ITGA2: variants seen among roughly 807,000 people sequenced by gnomAD.
The protein encoded by ITGA2 is integrin alpha-2.
Under a neutral mutation model 146.3 loss-of-function variants are expected in ITGA2, and 101 were observed. That is an observed-to-expected ratio of 0.69 (90% confidence interval 0.59 to 0.81). ITGA2 has a LOEUF of 0.81. ITGA2 is among the 40% of genes least tolerant of loss of function. The pLI is 0.00. For synonymous variants in ITGA2, 477 were observed against 487.1 expected, an observed-to-expected ratio of 0.98 and a Z score of 0.27; for missense variants, 1,281 against 1,402.7, an observed-to-expected ratio of 0.91 and a Z score of 1.39.
At chr5:53,073,364 C>A in intron 20 of ITGA2, 105 bp downstream of exon 20, 1 of 1,203,722 alleles carries the variant, frequency 8.3e-7, no homozygotes. Flanking sequence ...TAACCCTCAA[C>A]ATGATCAATC....
intron 1 of ITGA2, among the ~76,000 whole-genome samples, chr5:52,996,094 T>C (rs1034942130): frequency 2.0e-5 from 3 of 151,610 alleles, no homozygotes; most frequent in Non-Finnish European, 4.4e-5. Flanking sequence ...GATGAGGAAA[T>C]GTAGAGAGTG....
chr5:53,082,715 T>C (rs1745983132), intron 26 of ITGA2, among the ~76,000 whole-genome samples: 2 of 152,328 alleles, frequency 1.3e-5, no homozygotes, highest in South Asian at 2.1e-4. Flanking sequence ...GGGTTCACTC[T>C]TGGTGTTGTT....
chr5:53,013,633 T>A (rs1198361659), intron 1 of ITGA2, among the ~76,000 whole-genome samples: 2 of 152,192 alleles, frequency 1.3e-5, no homozygotes, highest in Non-Finnish European at 2.9e-5. Flanking sequence ...TTTTTCTAAT[T>A]CTGTGAAGAA....
chr5:53,055,957 T>G, intron 8 of ITGA2, 27 bp from the exon 9 acceptor site: 1 of 1,601,060 alleles, frequency 6.2e-7, no homozygotes, highest in Non-Finnish European at 8.5e-7. Flanking sequence ...CAGTAATGAC[T>G]GCACATTCTC....
At chr5:53,038,289 A>G (rs1248580099) in intron 2 of ITGA2, among the ~76,000 whole-genome samples, 2 of 151,692 alleles carry the variant, frequency 1.3e-5, no homozygotes, top group Non-Finnish European at 2.9e-5. Flanking sequence ...GGCTGTGGTG[A>G]GGATGGTTGG....
In ITGA2 at chr5:53,091,963, T is replaced by G; in HGVS notation, c.*1364T>G. 1 of 152,038 alleles carries G rather than the reference T, an allele frequency of 6.6e-6. No homozygotes were observed. The highest frequency in any genetic ancestry group is 2.1e-4 in the South Asian group (1 of 4,820). The allele number at this position is 152,038 out of a possible 1,614,324, so 9.4% of individuals were successfully genotyped here. ...TGAAGTACTTAAACTTCCACAAGAG[T>G]GAATTTGACCTAGGCAAGTTTGTTC... On this transcript the variant is annotated 3_prime_UTR_variant, in exon 30 of 30. Transcript: ENST00000296585.
chr5:52,995,008 G>C (rs1741164559), intron 1 of ITGA2, among the ~76,000 whole-genome samples: 1 of 152,208 alleles, frequency 6.6e-6, no homozygotes, highest in Non-Finnish European at 1.5e-5. Flanking sequence ...ATGGATGTAA[G>C]TGATACTAGA....
chr5:53,013,115 CTTGTCAATTTTGTT>C (rs1315007108), intron 1 of ITGA2, among the ~76,000 whole-genome samples: 1 of 152,004 alleles, frequency 6.6e-6, no homozygotes, highest in African/African-American at 2.4e-5. Flanking sequence ...TTAGGTCTCA[CTTGTCAATTTTGTT>C]TTGTTATAAC....
At chr5:53,057,981 A>T in intron 9 of ITGA2, 44 bp from the exon 10 acceptor site, 1 of 1,438,280 alleles carries the variant, frequency 7.0e-7, no homozygotes, top group Non-Finnish European at 9.8e-7. Context: ...AACTTGATTT[A>T]AAATTACTGA....
chr5:53,061,220 A>G (rs1744893442), intron 12 of ITGA2, among the ~76,000 whole-genome samples, 174 bp downstream of exon 12: 1 of 151,940 alleles, frequency 6.6e-6, no homozygotes. Flanking sequence ...CCAAGAAGAC[A>G]GCCCTCCCTT....
At chr5:53,014,934 C>T (rs766030833) in intron 1 of ITGA2, among the ~76,000 whole-genome samples, 6 of 151,896 alleles carry the variant, frequency 4.0e-5, no homozygotes, top group Non-Finnish European at 7.4e-5. Flanking sequence ...TATGAGGTTG[C>T]TGACAATATC....
At chr5:53,048,872 T>A in intron 6 of ITGA2, 102 bp downstream of exon 6, 1 of 1,256,044 alleles carries the variant, frequency 8.0e-7, no homozygotes, top group Non-Finnish European at 1.1e-6. Context: ...ATCCCCATTT[T>A]AAATGCATTT....
Position 52,989,462 on chromosome 5 carries a change from A to G in ITGA2, c.-7A>G, listed in dbSNP as rs1740802245. ...AGCGCAACTACGGTCCCCCGGTCAG[A>G]CCCAGGATGGGGCCAGAACGGACAG... On this transcript the variant is annotated 5_prime_UTR_variant, in exon 1 of 30. Transcript: ENST00000296585. The G allele has an allele frequency of 3.7e-6, 6 of 1,613,982 alleles. No individual in the cohort carries two copies. Among genetic ancestry groups the G allele is most frequent in the Non-Finnish European group, 5.1e-6 (6 of 1,179,980 alleles).
chr5:53,022,829 AAAAT>A (rs1465040626), intron 1 of ITGA2, among the ~76,000 whole-genome samples: 8 of 152,144 alleles, frequency 5.3e-5, no homozygotes, highest in African/African-American at 1.7e-4. Flanking sequence ...GACTCTAAGA[AAAAT>A]AAGAAATCTA....
At chr5:53,034,548 C>T (rs1192569753) in intron 2 of ITGA2, among the ~76,000 whole-genome samples, 1 of 152,190 alleles carries the variant, frequency 6.6e-6, no homozygotes, top group Non-Finnish European at 1.5e-5. Flanking sequence ...GTGACTTGCA[C>T]GTGGGAGAGA....
At chr5:53,081,036 G>A (rs138194078) in intron 25 of ITGA2, among the ~76,000 whole-genome samples, 6 of 152,156 alleles carry the variant, frequency 3.9e-5, no homozygotes, top group African/African-American at 1.2e-4. Context: ...CCCTCTGTTC[G>A]CTCTTTTAAA....
chr5:53,036,882 A>G (rs905254215), intron 2 of ITGA2, among the ~76,000 whole-genome samples: 7 of 152,160 alleles, frequency 4.6e-5, no homozygotes, highest in African/African-American at 1.7e-4. Flanking sequence ...ACACCATTCA[A>G]GGAATGGTGT....
At position 53,091,368 on chromosome 5, in the gene ITGA2, C is replaced by G. The variant is rs1740415056; in HGVS notation, c.*769C>G. 6.6e-6 allele frequency: 1 copy of G among 152,010 alleles called. No individual in the cohort carries two copies. Among genetic ancestry groups the G allele is most frequent in the Admixed American group, 6.6e-5 (1 of 15,236 alleles). 9.4% of individuals were successfully genotyped at this position (152,010 alleles called of 1,614,324 possible). On this transcript the variant is annotated 3_prime_UTR_variant, in exon 30 of 30. Coordinates refer to ENST00000296585, the MANE Select transcript of ITGA2 (RefSeq NM_002203.4). ...AACTCAGAATATAACATGTAAAATC[C>G]CATCTGCTAGAAGCCCATCCTGTGC...
chr5:53,055,633 T>C lies in ITGA2; in HGVS notation c.875T>C (p.Leu292Ser), dbSNP rs950773001. The part of the protein sequence containing the change: ...TDGESHDGSM[L>S]KAVIDQCNHD... ...GGTGAATCACATGATGGTTCAATGT[T>C]GAAAGCTGTGATTGATCAATGCAAC... Residue 292 changes from leucine (L) to serine (S), a missense_variant, in exon 8 of 30, where the codon TTG (leucine) becomes TCG (serine). By Grantham distance (145) the Leu-to-Ser change is moderately radical. This residue lies in a region of ITGA2 where 795 missense variants were observed against 841.7 expected (regional missense o/e 0.94). Coordinates refer to ENST00000296585, the MANE Select transcript of ITGA2 (RefSeq NM_002203.4). 1 of 1,613,414 alleles carries C rather than the reference T, an allele frequency of 6.2e-7. No individual in the cohort carries two copies. Among genetic ancestry groups the C allele is most frequent in the Non-Finnish European group, 8.5e-7 (1 of 1,179,506 alleles).
Sources: allele counts gnomAD v4.1 joint callset (sites outside exome capture counted in the v4.1 genomes callset), GRCh38; gene constraint gnomAD v4.1.1; regional missense constraint gnomAD v4.1.1; transcripts MANE v1.5; gene names NCBI Gene and HGNC (gene_info 2026-07-23, HGNC 2026-07-21).